CNTLN: variants seen among roughly 807,000 people sequenced by gnomAD.
The protein encoded by CNTLN is centlein, centrosomal protein.
Under a neutral mutation model 180.0 loss-of-function variants are expected in CNTLN, and 212 were observed. The observed-to-expected ratio is 1.18, with a 90% CI of 1.05 to 1.32. CNTLN has a LOEUF of 1.32. Among genes scored for constraint, CNTLN ranks in the 40% most tolerant of loss-of-function variants. The pLI is 0.00. For synonymous variants in CNTLN, 722 were observed against 563.1 expected (o/e 1.28, Z -3.99); for missense variants, 2,095 against 1,610.9 (o/e 1.30, Z -5.14).
intron 2 of CNTLN, among the ~76,000 whole-genome samples, chr9:17,201,754 T>C (rs1822547215): frequency 6.6e-6 from 1 of 152,154 alleles, no homozygotes; most frequent in African/African-American, 2.4e-5. Flanking sequence ...TAGCTAGTGA[T>C]CTATTTTGTC....
rs750338969 is a variant in CNTLN, at chr9:17,235,694, G to C, written c.571G>C (p.Val191Leu). ...ACTGAAACAGGAAATAAATGACCTT[G>C]TAAAACGGAAAATTGCAGTAGATGA... is the stretch of plus-strand genomic sequence containing the variant. ...SVLKQEINDL[V>L]KRKIAVDEEN... is the part of the protein sequence containing the mutation. Residue 191 changes from valine (V) to leucine (L), a missense_variant, in exon 4 of 26, where the codon GTA becomes CTA. Coordinates refer to ENST00000380647, the MANE Select transcript of CNTLN (RefSeq NM_017738.4). The C allele has an allele frequency of 2.5e-6, 4 of 1,607,970 alleles. No individual in the cohort carries two copies. In the African/African-American group the frequency reaches 4.0e-5, roughly 16 times the overall value.
chr9:17,238,626 A>G (rs1477989676), intron 5 of CNTLN, among the ~76,000 whole-genome samples: 1 of 152,168 alleles, frequency 6.6e-6, no homozygotes, highest in African/African-American at 2.4e-5. Context: ...CCATAAAAAT[A>G]CACAGTTTTC....
chr9:17,429,334 T>C (rs1367139497), intron 18 of CNTLN, among the ~76,000 whole-genome samples: 1 of 152,062 alleles, frequency 6.6e-6, no homozygotes, highest in Non-Finnish European at 1.5e-5. Flanking sequence ...GAATTGTTAA[T>C]GGAAGCTATT....
At chr9:17,154,157 C>T (rs956790065) in intron 2 of CNTLN, among the ~76,000 whole-genome samples, 1 of 152,206 alleles carries the variant, frequency 6.6e-6, no homozygotes, top group Non-Finnish European at 1.5e-5. Flanking sequence ...CTACTTCTGT[C>T]AGTTCGTCAA....
chr9:17,160,828 CTG>C (rs1404631254), intron 2 of CNTLN, among the ~76,000 whole-genome samples: 1 of 152,146 alleles, frequency 6.6e-6, no homozygotes, highest in African/African-American at 2.4e-5. Context: ...AGTAACCTGA[CTG>C]TGAGATTTAG....
chr9:17,329,772 G>T (rs1820525586), intron 8 of CNTLN, among the ~76,000 whole-genome samples: 6 of 151,338 alleles, frequency 4.0e-5, no homozygotes, highest in Admixed American at 4.0e-4. Flanking sequence ...TAGGAAGGAT[G>T]GGGCCCTTCA....
intron 19 of CNTLN, among the ~76,000 whole-genome samples, chr9:17,461,289 G>A (rs1372706): frequency 0.85 from 129,243 of 151,520 alleles, 55,394 homozygotes; most frequent in Admixed American, 0.9. Flanking sequence ...ATTAATGATT[G>A]AAGCAAACGC....
intron 2 of CNTLN, among the ~76,000 whole-genome samples, chr9:17,191,306 GC>G (rs1232846690): frequency 6.6e-6 from 1 of 152,176 alleles, no homozygotes; most frequent in Non-Finnish European, 1.5e-5. Context: ...ATGATGCCAT[GC>G]AAGGAATGTA....
intron 7 of CNTLN, among the ~76,000 whole-genome samples, chr9:17,308,499 CATTA>C (rs1280155553): frequency 6.6e-6 from 1 of 152,066 alleles, no homozygotes; most frequent in Non-Finnish European, 1.5e-5. Context: ...TAGAATTCAA[CATTA>C]ATTAACTGTT....
chr9:17,223,268 T>C (rs1824259892), intron 2 of CNTLN, among the ~76,000 whole-genome samples: 1 of 152,048 alleles, frequency 6.6e-6, no homozygotes, highest in Non-Finnish European at 1.5e-5. Flanking sequence ...TGGCTGCTGG[T>C]AACTGAAGCC....
intron 8 of CNTLN, among the ~76,000 whole-genome samples, chr9:17,328,226 A>G (rs1443613294): frequency 3.3e-5 from 5 of 152,180 alleles, no homozygotes; most frequent in African/African-American, 7.2e-5. Context: ...GGTTTGGTAC[A>G]TTTTTATGAG....
At chr9:17,402,594 C>T (rs1052475531) in intron 15 of CNTLN, among the ~76,000 whole-genome samples, 2 of 151,750 alleles carry the variant, frequency 1.3e-5, no homozygotes, top group Non-Finnish European at 2.9e-5. Flanking sequence ...GCACATTGTC[C>T]TCCAGCATGG....
At chr9:17,469,895 A>G (rs141280959) in intron 23 of CNTLN, among the ~76,000 whole-genome samples, 1,940 of 151,902 alleles carry the variant, frequency 0.013, 12 homozygotes, top group Non-Finnish European at 0.02. Flanking sequence ...CAGTTTCCTT[A>G]TCTGTAGAAT....
At chr9:17,368,728 A>T (rs929878250) in intron 13 of CNTLN, among the ~76,000 whole-genome samples, 2 of 152,208 alleles carry the variant, frequency 1.3e-5, no homozygotes, top group African/African-American at 4.8e-5. Context: ...ATTCTTCCGG[A>T]TCTTATCCAA....
At chr9:17,264,075 T>C (rs1452598017) in intron 5 of CNTLN, among the ~76,000 whole-genome samples, 3 of 144,734 alleles carry the variant, frequency 2.1e-5, no homozygotes, top group African/African-American at 8.0e-5. Context: ...ATTTTGGCTT[T>C]CGTTGCCATT....
chr9:17,213,773 G>A (rs1470591102), intron 2 of CNTLN, among the ~76,000 whole-genome samples: 1 of 152,258 alleles, frequency 6.6e-6, no homozygotes. Context: ...AGGATAGTTA[G>A]CTCTTCTTGT....
At chr9:17,211,416 C>A (rs1386358167) in intron 2 of CNTLN, among the ~76,000 whole-genome samples, 1 of 151,920 alleles carries the variant, frequency 6.6e-6, no homozygotes, top group East Asian at 1.9e-4. Context: ...TTGGTGATAT[C>A]TCTGTTTTGG....
In CNTLN at chr9:17,462,960, T is replaced by G. The variant is rs780143372; in HGVS notation, c.3351T>G (p.Thr1117=). 47 of 1,583,542 alleles carry G rather than the reference T, an allele frequency of 3.0e-5. No homozygotes were observed. Among genetic ancestry groups the G allele is most frequent in the Non-Finnish European group, 3.9e-5 (45 of 1,168,778 alleles). ...ELTKQSSNVK[T]LKFELLAKEE... ...CTAAACAGTCATCAAATGTGAAGAC[T>G]TTGAAATTTGAACTCCTAGCAAAAG... Residue 1117 remains threonine, a synonymous_variant, in exon 20 of 26, where the codon ACT becomes ACG. Coordinates refer to ENST00000380647, the MANE Select transcript of CNTLN (RefSeq NM_017738.4).
intron 18 of CNTLN, chr9:17,447,487 T>G (rs1023764997): frequency 6.3e-6 from 1 of 158,040 alleles, no homozygotes; most frequent in East Asian, 1.8e-4. Context: ...TGCACTCTGC[T>G]CCGGTGCTGT....
Sources: allele counts gnomAD v4.1 joint callset (sites outside exome capture counted in the v4.1 genomes callset), GRCh38; gene constraint gnomAD v4.1.1; transcripts MANE v1.5; gene names NCBI Gene and HGNC (gene_info 2026-07-23, HGNC 2026-07-21).